HVCN1: variants seen among roughly 807,000 people sequenced by gnomAD.
HVCN1 encodes voltage-gated hydrogen channel 1.
A neutral mutation model predicts 29.2 loss-of-function variants in HVCN1; 14 were observed. The observed-to-expected ratio is 0.48, with a 90% CI of 0.32 to 0.75. The LOEUF is 0.75. Among genes scored for constraint, HVCN1 ranks in the 30% least tolerant of loss-of-function variants. HVCN1 has a pLI of 0.04. For synonymous variants in HVCN1, 131 were observed against 133.2 expected, an observed-to-expected ratio of 0.98 and a Z score of 0.11; for missense variants, 263 against 341.8, an observed-to-expected ratio of 0.77 and a Z score of 1.82.
At chr12:110,683,128 A>C in intron 3 of HVCN1, 97 bp downstream of exon 3, 3 of 1,508,316 alleles carry the variant, frequency 2.0e-6, no homozygotes, top group Non-Finnish European at 2.8e-6. Context: ...AAACACCTGA[A>C]CAGGGAGTTC....
chr12:110,685,084 A>G (rs1214989207), intron 2 of HVCN1, among the ~76,000 whole-genome samples: 1 of 152,208 alleles, frequency 6.6e-6, no homozygotes, highest in Non-Finnish European at 1.5e-5. Flanking sequence ...CATAGCAAAA[A>G]GGATTTTGCA....
At position 110,650,389 on chromosome 12, in the gene HVCN1, C is replaced by T. The variant is rs545370127; in HGVS notation, c.644-109G>A. The T allele has an allele frequency of 2.8e-4, 188 of 660,010 alleles. 2 individuals are homozygous for T. In the Middle Eastern group the frequency reaches 5.8e-3, roughly 20 times the overall value. The allele number at this position is 660,010 out of a possible 1,614,324, so 40.9% of individuals were successfully genotyped here. ...GAGTTTGGAGGAGTGGTGACAGACA[C>T]GCGAGACAGTCATCACTTTAGGGCA... On this transcript the variant is annotated intron_variant, in intron 6 of 7. Coordinates refer to ENST00000242607, the MANE Select transcript of HVCN1 (RefSeq NM_032369.4).
Position 110,700,191 on chromosome 12 carries a change from C to T in HVCN1, c.-104+2118G>A, listed in dbSNP as rs138283003. Among the ~76,000 whole-genome samples, 92 of 152,266 alleles carry T rather than the reference C, an allele frequency of 6.0e-4. No homozygotes were observed. The East Asian group carries it at 0.014, about 24-fold the overall frequency. ...ACCACATGCTAAGCTAAAAAGTCTG[C>T]GATTGTTGAAGAAGTGGAGAAGAGA... On this transcript the variant is annotated intron_variant, in intron 2 of 4. Transcript: ENST00000546713.
At chr12:110,683,926 G>GGAAAAAAAAAAAAAAAAA (rs2069085937) in intron 2 of HVCN1, among the ~76,000 whole-genome samples, 2 of 105,796 alleles carry the variant, frequency 1.9e-5, no homozygotes. Context: ...AAAAAAAAAA[G>GGAAAAAAAAAAAAAAAAA]GAAAAAAAAA....
Position 110,649,136 on chromosome 12 carries a change from C to T in HVCN1, c.*274G>A. On this transcript the variant is annotated 3_prime_UTR_variant, in exon 8 of 8. Transcript: ENST00000242607. ...ATTTTATATACAACTAGCAATTGTC[C>T]AGCTTTGTTGCTCATTTTCAATTAA... 2 of 669,992 alleles carry T rather than the reference C, an allele frequency of 3.0e-6. No individual in the cohort carries two copies. Among genetic ancestry groups the T allele is most frequent in the African/African-American group, 1.8e-5 (1 of 55,858 alleles). The allele number at this position is 669,992 out of a possible 1,614,324, so 41.5% of individuals were successfully genotyped here.
intron 2 of HVCN1, among the ~76,000 whole-genome samples, chr12:110,699,828 T>G (rs1211016359): frequency 6.6e-6 from 1 of 152,176 alleles, no homozygotes; most frequent in Non-Finnish European, 1.5e-5. Flanking sequence ...TAGAAAGTCC[T>G]AAATATCAGT....
chr12:110,651,219 T>C lies in HVCN1; in HGVS notation c.641A>G (p.Asn214Ser), dbSNP rs777929241. Residue 214 changes from asparagine to serine, a missense_variant and splice_region_variant, in exon 6 of 8, where the codon AAT becomes AGT. Coordinates refer to ENST00000242607, the MANE Select transcript of HVCN1 (RefSeq NM_032369.4). ...GCCTGGGAGTGCAGGAGACGTACCATTGATGATCCGGGCCACCCGCCACAG... is the reference window on the plus strand; with the variant it reads ...GCCTGGGAGTGCAGGAGACGTACCACTGATGATCCGGGCCACCCGCCACAG... ...LRLWRVARII[N>S]GIIISVKTRS... is the part of the protein sequence containing the mutation. 1.4e-5 allele frequency: 23 copies of C among 1,610,620 alleles called. No homozygotes were observed. Among genetic ancestry groups the C allele is most frequent in the Admixed American group, 1.3e-4 (8 of 59,948 alleles).
chr12:110,697,293 G>C (rs377742354), intron 2 of HVCN1, among the ~76,000 whole-genome samples: 1 of 152,068 alleles, frequency 6.6e-6, no homozygotes, highest in African/African-American at 2.4e-5. Flanking sequence ...TGTTGACAAA[G>C]GGGTTCAGGA....
intron 3 of HVCN1, among the ~76,000 whole-genome samples, chr12:110,668,015 T>C (rs758308545): frequency 3.3e-5 from 5 of 152,134 alleles, no homozygotes; most frequent in Admixed American, 6.5e-5. Flanking sequence ...ATAGGGTTGA[T>C]CAAGAGAATG....
At chr12:110,651,505 G>A in intron 5 of HVCN1, 57 bp from the exon 6 acceptor site, 1 of 1,100,552 alleles carries the variant, frequency 9.1e-7, no homozygotes, top group East Asian at 2.4e-5. Context: ...AGGTCAAGCT[G>A]CCCTCACATG....
chr12:110,667,021 G>C (rs2068388272), intron 3 of HVCN1, among the ~76,000 whole-genome samples: 1 of 152,118 alleles, frequency 6.6e-6, no homozygotes. Flanking sequence ...GAGGGCACTG[G>C]TACCTCATCT....
rs114831419 is a variant in HVCN1 at position 110,662,176 on chromosome 12, C to T, written c.22-728G>A. Among the ~76,000 whole-genome samples the T allele has an allele frequency of 5.3e-3, 805 of 152,116 alleles. 8 individuals are homozygous for T. The highest frequency in any genetic ancestry group is 0.018 in the African/African-American group (757 of 41,490). On this transcript the variant is annotated intron_variant, in intron 3 of 7. Coordinates refer to ENST00000242607, the MANE Select transcript of HVCN1 (RefSeq NM_032369.4). ...GGGAGCCTAAAGGAGATGGGGTGGCCGTCCAGACTCACGGGAAAGAAAGGC... is the reference window on the plus strand; with the variant it reads ...GGGAGCCTAAAGGAGATGGGGTGGCTGTCCAGACTCACGGGAAAGAAAGGC...
intron 5 of HVCN1, among the ~76,000 whole-genome samples, chr12:110,652,356 A>C (rs1237178636): frequency 3.9e-5 from 6 of 152,228 alleles, no homozygotes. Context: ...GCACCACTGC[A>C]CTCCAGCCTG....
chr12:110,703,960 C>T (rs1423839484), intron 1 of HVCN1, among the ~76,000 whole-genome samples: 1 of 152,208 alleles, frequency 6.6e-6, no homozygotes, highest in Non-Finnish European at 1.5e-5. Context: ...ACTGGGATTA[C>T]AGGTGTGAGT....
chr12:110,668,095 C>G (rs571493152), intron 3 of HVCN1, among the ~76,000 whole-genome samples: 2 of 152,154 alleles, frequency 1.3e-5, no homozygotes, highest in Non-Finnish European at 2.9e-5. Flanking sequence ...ATCCTGCCAC[C>G]ACGCCCGGCT....
upstream of HVCN1, among the ~76,000 whole-genome samples, chr12:110,690,837 C>T (rs928490819): frequency 7.2e-5 from 11 of 152,054 alleles, 1 homozygote; most frequent in Admixed American, 5.9e-4. Context: ...TCAGTGCAAC[C>T]TCTGCCTCCT....
upstream of HVCN1, among the ~76,000 whole-genome samples, chr12:110,693,463 G>T (rs1290407690): frequency 6.6e-6 from 1 of 151,978 alleles, no homozygotes; most frequent in African/African-American, 2.4e-5. Flanking sequence ...AGAATCGCTT[G>T]AACCCGGGAG....
At chr12:110,701,501 G>A (rs1371672652) in intron 2 of HVCN1, among the ~76,000 whole-genome samples, 1 of 152,172 alleles carries the variant, frequency 6.6e-6, no homozygotes, top group African/African-American at 2.4e-5. Flanking sequence ...GAGAACCAGT[G>A]GCTGAATTAG....
intron 3 of HVCN1, among the ~76,000 whole-genome samples, chr12:110,667,224 TC>T (rs2068400204): frequency 6.6e-6 from 1 of 152,172 alleles, no homozygotes; most frequent in Non-Finnish European, 1.5e-5. Context: ...AACCTCCACC[TC>T]CTGGGTTCAA....
Sources: gnomAD v4.1 joint callset for allele counts (sites outside exome capture counted in the v4.1 genomes callset) on GRCh38, gnomAD v4.1.1 for gene constraint, MANE v1.5 for transcripts, NCBI Gene and HGNC (gene_info 2026-07-23, HGNC 2026-07-21) for gene names.